Variants in SBF1 observed in about 807,000 individuals in gnomAD.
SBF1 encodes the protein SET binding factor 1.
Under a neutral mutation model 215.8 loss-of-function variants are expected in SBF1, and 65 were observed. The observed-to-expected ratio is 0.30, with a 90% CI of 0.25 to 0.37. SBF1 has a LOEUF of 0.37. Among genes scored for constraint, SBF1 ranks in the 10% least tolerant of loss-of-function variants. The pLI is 1.00. For missense variants in SBF1, 2,634 were observed against 2,667.8 expected (o/e 0.99, Z 0.28); for synonymous variants, 1,410 against 1,122.8 (o/e 1.26, Z -5.11).
chr22:50,454,454 G>C, intron 36 of SBF1, 58 bp downstream of exon 36: 9 of 1,440,478 alleles, frequency 6.2e-6, no homozygotes, highest in Non-Finnish European at 8.7e-6. Flanking sequence ...CACGACCCTG[G>C]TGTCTGAGCG....
intron 36 of SBF1, among the ~76,000 whole-genome samples, chr22:50,448,954 T>A (rs1603430370): frequency 6.6e-6 from 1 of 152,026 alleles, no homozygotes; most frequent in African/African-American, 2.4e-5. Context: ...ACGCCTGTAA[T>A]CCCAGCACTT....
chr22:50,462,070 C>T lies in SBF1; in HGVS notation c.2446G>A (p.Asp816Asn). The change falls in exon 20 of 41, where the codon GAT (aspartate) becomes AAT (asparagine). Residue 816 changes from aspartate to asparagine, a missense_variant. By Grantham distance (23) the Asp-to-Asn change is conservative. Coordinates refer to ENST00000380817, the MANE Select transcript of SBF1 (RefSeq NM_002972.4). ...CCAGCTACGTCGCAGGTCTCTGCAT[C>T]CTCGAAGCCGCTCTCCGTGTCATAG... ...ESYDTESGFE[D>N]AETCDVAGAV... 6.2e-7 allele frequency: 1 copy of T among 1,614,126 alleles called. No homozygotes were observed. Among genetic ancestry groups the T allele is most frequent in the Non-Finnish European group, 8.5e-7 (1 of 1,180,040 alleles).
chr22:50,471,231 G>C (rs1174624973), intron 1 of SBF1, among the ~76,000 whole-genome samples: 1 of 152,234 alleles, frequency 6.6e-6, no homozygotes. Flanking sequence ...GGCCACCTAA[G>C]GACAACACTG....
chr22:50,460,593 G>T lies in SBF1; in HGVS notation c.3087C>A (p.Gly1029=). The T allele has an allele frequency of 6.2e-7, 1 of 1,614,132 alleles. No homozygotes were observed. Among genetic ancestry groups the T allele is most frequent in the Non-Finnish European group, 8.5e-7 (1 of 1,180,032 alleles). The change falls in exon 24 of 41, where the codon GGC becomes GGA. Residue 1029 remains glycine (G), a synonymous_variant. Coordinates refer to ENST00000380817, the MANE Select transcript of SBF1 (RefSeq NM_002972.4). ...GTGGCCGGCCAGGTGTGTGGGCAGA[G>T]CCCAAGGTGAACGCAAAGGTGGCCC... ...DIRATFAFTL[G]SAHTPGRPPR... is the part of the protein sequence containing the mutation.
rs375565089 is a variant in SBF1 at position 50,447,152 on chromosome 22, G to A, written c.5672C>T (p.Ser1891Leu). 8.9e-5 allele frequency: 143 copies of A among 1,612,306 alleles called. No individual in the cohort carries two copies. The highest frequency in any genetic ancestry group is 7.8e-4 in the East Asian group (35 of 44,860). The change falls in exon 41 of 41, where the codon TCG (serine) becomes TTG (leucine). Residue 1891 changes from serine (S) to leucine (L), a missense_variant. Transcript: ENST00000380817. ...GCAGGGCTGGGAGGCTCAGGCGTCC[G>A]ACAGGCAGCTCTGGATCCGGTCCAC... ...QWVDRIQSCL[S>L]DA is the part of the protein sequence containing the mutation.
chr22:50,458,889 G>A (rs1469908780), intron 28 of SBF1, among the ~76,000 whole-genome samples: 2 of 152,226 alleles, frequency 1.3e-5, no homozygotes, highest in East Asian at 1.9e-4. Flanking sequence ...AGTGACACTG[G>A]GAGGGAACAG....
At chr22:50,459,149 GACC>G in intron 28 of SBF1, 103 bp downstream of exon 28, 2 of 1,438,118 alleles carry the variant, frequency 1.4e-6, no homozygotes, top group Non-Finnish European at 1.9e-6. Flanking sequence ...AAACATCCAT[GACC>G]AGCGCCGTTT....
In SBF1 at chr22:50,463,435, G is replaced by GGGGGTGGGGAAAGGAGACAC. The variant is rs1423574680; in HGVS notation, c.1750-23_1750-4dup. On this transcript the variant is annotated splice_polypyrimidine_tract_variant and splice_region_variant and intron_variant, in intron 15 of 40. Coordinates refer to ENST00000380817, the MANE Select transcript of SBF1 (RefSeq NM_002972.4). ...GCCCTCAACACGGCTGGGAGCAGCT[G>GGGGGTGGGGAAAGGAGACAC]GGGGTGGGGAAAGGAGACACGGGCT... 9 of 1,565,074 alleles carry GGGGGTGGGGAAAGGAGACAC rather than the reference G, an allele frequency of 5.8e-6. No individual in the cohort carries two copies. Among genetic ancestry groups the GGGGGTGGGGAAAGGAGACAC allele is most frequent in the Non-Finnish European group, 6.9e-6 (8 of 1,152,938 alleles).
In SBF1 at chr22:50,448,954, TCCCAGCACTTTGGGAGGC is replaced by T. The variant is rs372078127; in HGVS notation, c.5044-322_5044-305del. Among the ~76,000 whole-genome samples the T allele has an allele frequency of 1.8e-4, 28 of 152,144 alleles. 1 individual carries two copies. Among genetic ancestry groups the T allele is most frequent in the African/African-American group, 6.5e-4 (27 of 41,498 alleles). ...CAGGCGTGGTGGCTCACGCCTGTAA[TCCCAGCACTTTGGGAGGC>T]CGATCACCTGAGGTCAGGAGTTTGA... On this transcript the variant is annotated intron_variant, in intron 36 of 40. Transcript: ENST00000380817.
rs1352590637 is a variant in SBF1 at position 50,462,429 on chromosome 22, T to C, written c.2172A>G (p.Leu724=). The C allele has an allele frequency of 6.2e-6, 10 of 1,613,864 alleles. No homozygotes were observed. The Admixed American group carries it at 1.7e-4, about 27-fold the overall frequency. Residue 724 remains leucine, a synonymous_variant, in exon 19 of 41, where the codon CTA becomes CTG. Transcript: ENST00000380817. ...AGCGCCGCTGCTCAGAAGCCACGTC[T>C]AGGGCAGAGCGCTCGTCCTCCTGGG... The part of the protein sequence containing the change: ...APSQEDERSA[L]DVASEQRRLW...
At chr22:50,465,388 C>T in intron 10 of SBF1, 60 bp from the exon 11 acceptor site, 1 of 1,446,176 alleles carries the variant, frequency 6.9e-7, no homozygotes, top group Non-Finnish European at 9.4e-7. Context: ...CCCAGGCTGC[C>T]CAGGAGCTTC....
intron 18 of SBF1, 39 bp downstream of exon 18, chr22:50,462,520 C>T: frequency 1.3e-6 from 2 of 1,585,922 alleles, no homozygotes; most frequent in Non-Finnish European, 1.7e-6. Context: ...TGCCCCAGCC[C>T]CTAGCCCCCA....
Position 50,463,411 on chromosome 22 carries a change from C to A in SBF1, c.1771G>T (p.Ala591Ser). ...CGGCGGGCAGCTCGCCCCTTCAGGG[C>A]CCTCAACACGGCTGGGAGCAGCTGG... The part of the protein sequence containing the change: ...AKKLLPAVLR[A>S]LKGRAARRCL... Residue 591 changes from alanine to serine, a missense_variant, in exon 16 of 41, where the codon GCC (alanine) becomes TCC (serine). By Grantham distance (99) the Ala-to-Ser change is moderately conservative. Transcript: ENST00000380817. 4 of 1,582,186 alleles carry A rather than the reference C, an allele frequency of 2.5e-6. No homozygotes were observed. Among genetic ancestry groups the A allele is most frequent in the Admixed American group, 1.8e-5 (1 of 55,280 alleles).
At chr22:50,463,593 G>A (rs1179750752) in intron 15 of SBF1, among the ~76,000 whole-genome samples, 161 bp from the exon 16 acceptor site, 1 of 152,226 alleles carries the variant, frequency 6.6e-6, no homozygotes, top group Non-Finnish European at 1.5e-5. Flanking sequence ...AACCTCCAGT[G>A]GGCCCGACAA....
intron 15 of SBF1, 152 bp from the exon 16 acceptor site, chr22:50,463,584 A>G: frequency 1.2e-6 from 1 of 814,106 alleles, no homozygotes. Flanking sequence ...AAAGACTAAA[A>G]CCTCCAGTGG....
At chr22:50,462,531 G>A (rs2067562447) in intron 18 of SBF1, 28 bp downstream of exon 18, 1 of 1,609,554 alleles carries the variant, frequency 6.2e-7, no homozygotes, top group Non-Finnish European at 8.5e-7. Context: ...CTAGCCCCCA[G>A]CCCCCAGCCC....
Position 50,457,175 on chromosome 22 carries a change from G to A in SBF1, c.3827-64C>T, listed in dbSNP as rs989798433. The A allele has an allele frequency of 3.8e-6, 5 of 1,320,574 alleles. No individual in the cohort carries two copies. The African/African-American group carries it at 4.7e-5, about 12-fold the overall frequency. The allele number at this position is 1,320,574 out of a possible 1,614,324, so 81.8% of individuals were successfully genotyped here. Reference sequence around the variant, plus strand: ...AGGCCTGGGCGTGCCCAGCTTGGGGGTGCCTACAGGTCAGAGGGTTCCACC... The same window carrying A: ...AGGCCTGGGCGTGCCCAGCTTGGGGATGCCTACAGGTCAGAGGGTTCCACC... On this transcript the variant is annotated intron_variant, in intron 28 of 40. Transcript: ENST00000380817.
chr22:50,464,714 T>C lies in SBF1; in HGVS notation c.1456A>G (p.Met486Val). The C allele has an allele frequency of 1.2e-6, 2 of 1,607,282 alleles. No individual in the cohort carries two copies. Among genetic ancestry groups the C allele is most frequent in the Non-Finnish European group, 1.7e-6 (2 of 1,178,586 alleles). Residue 486 changes from methionine to valine, a missense_variant, in exon 14 of 41, where the codon ATG becomes GTG. Transcript: ENST00000380817. The stretch of plus-strand genomic sequence containing the variant: ...TCACCGGGCCTCTGTACCTTGTGCA[T>C]CGCCACGGCTGGGTACGGGTTCTCC... Reference protein sequence around the residue: ...KNENPYPAVAMHKVQRPGESS... With the variant: ...KNENPYPAVAVHKVQRPGESS...
chr22:50,447,496 G>C, intron 39 of SBF1, 26 bp downstream of exon 39: 1 of 1,608,494 alleles, frequency 6.2e-7, no homozygotes, highest in Non-Finnish European at 8.5e-7. Context: ...TCCCCCGTGA[G>C]TCCCCCCCAC....
Sources: gnomAD v4.1 joint callset for allele counts (sites outside exome capture counted in the v4.1 genomes callset) on GRCh38, gnomAD v4.1.1 for gene constraint, MANE v1.5 for transcripts, NCBI Gene and HGNC (gene_info 2026-07-23, HGNC 2026-07-21) for gene names.